Variants in ZMYM4 observed in about 807,000 individuals in gnomAD.
ZMYM4 encodes the protein zinc finger MYM-type containing 4.
In ZMYM4, 31 loss-of-function variants were observed where a neutral mutation model predicts 183.2. The observed-to-expected ratio is 0.17, with a 90% CI of 0.13 to 0.23. The LOEUF (loss-of-function observed/expected upper bound fraction) is 0.23, where lower values mean the gene tolerates loss of function less well. ZMYM4 is among the 10% of genes least tolerant of loss of function. The pLI, the probability that ZMYM4 is intolerant of heterozygous loss-of-function variation, is 1.00. For synonymous variants in ZMYM4, 592 were observed against 631.2 expected, an observed-to-expected ratio of 0.94 and a Z score of 0.93; for missense variants, 1,273 against 1,840.3, an observed-to-expected ratio of 0.69 and a Z score of 5.64.
At chr1:35,331,149 G>A (rs959482441) in intron 2 of ZMYM4, among the ~76,000 whole-genome samples, 7 of 151,980 alleles carry the variant, frequency 4.6e-5, no homozygotes, top group African/African-American at 1.7e-4. Flanking sequence ...TGTTTACATG[G>A]TCTTTTGCTA....
chr1:35,361,405 A>G (rs751273616), intron 4 of ZMYM4, 150 bp downstream of exon 4: 14 of 957,572 alleles, frequency 1.5e-5, no homozygotes, highest in Non-Finnish European at 1.8e-5. Flanking sequence ...TCATCATCGG[A>G]GACATTCTAA....
Position 35,269,078 on chromosome 1 carries a change from G to GA in ZMYM4, c.35dup (p.Arg13GlufsTer3). On this transcript the variant is annotated frameshift_variant, in exon 1 of 30. Coordinates refer to ENST00000314607, the MANE Select transcript of ZMYM4 (RefSeq NM_005095.3). LOFTEE classifies it high-confidence loss of function. ...GAGAGAGAGGTGGAGTCCGGCCCCCGAAAGAGGGTAGGTGAGGTGAGGCAG... is the reference window on the plus strand; with the variant it reads ...GAGAGAGAGGTGGAGTCCGGCCCCCGAAAAGAGGGTAGGTGAGGTGAGGCAG... The GA allele has an allele frequency of 2.6e-6, 4 of 1,549,486 alleles. No homozygotes were observed. The highest frequency in any genetic ancestry group is 3.5e-6 in the Non-Finnish European group (4 of 1,146,722).
chr1:35,341,815 G>A (rs1298665417), intron 2 of ZMYM4, among the ~76,000 whole-genome samples: 1 of 151,912 alleles, frequency 6.6e-6, no homozygotes, highest in Non-Finnish European at 1.5e-5. Flanking sequence ...GTCATTGGGG[G>A]CTGATTGTAG....
intron 1 of ZMYM4, among the ~76,000 whole-genome samples, chr1:35,295,524 A>G (rs1640963121): frequency 6.6e-6 from 1 of 152,196 alleles, no homozygotes. Context: ...TGTACATTGT[A>G]GGACGTTTCA....
In ZMYM4 at chr1:35,359,148, T is replaced by C. The variant is rs1376216002; in HGVS notation, c.309T>C (p.Ser103=). 4 of 1,613,648 alleles carry C rather than the reference T, an allele frequency of 2.5e-6. No individual in the cohort carries two copies. The East Asian group carries it at 8.9e-5, about 36-fold the overall frequency. The change falls in exon 3 of 30, where the codon TCT becomes TCC. Residue 103 remains serine (S), a synonymous_variant. Coordinates refer to ENST00000314607, the MANE Select transcript of ZMYM4 (RefSeq NM_005095.3). ...TTAGTTCAAAGGACAATCTTGTTTC[T>C]TCAATTCATACTGATGATAGCTTGG... is the stretch of plus-strand genomic sequence containing the variant. The part of the protein sequence containing the change: ...QDFSSKDNLV[S]SIHTDDSLEV...
At chr1:35,371,419 A>T (rs1644211676) in intron 7 of ZMYM4, among the ~76,000 whole-genome samples, 1 of 151,868 alleles carries the variant, frequency 6.6e-6, no homozygotes, top group African/African-American at 2.4e-5. Context: ...CTTGGCCTAT[A>T]TTTTTATTTT....
intron 1 of ZMYM4, among the ~76,000 whole-genome samples, chr1:35,286,772 A>ATTTTTTTTTTTTTTT (rs71062872): frequency 2.2e-5 from 1 of 46,462 alleles, no homozygotes; most frequent in Non-Finnish European, 4.4e-5. Flanking sequence ...TATTTAAATA[A>ATTTTTTTTTTTTTTT]TTTTTTTTTT....
intron 1 of ZMYM4, among the ~76,000 whole-genome samples, chr1:35,282,943 G>A (rs1217139608): frequency 1.5e-5 from 2 of 131,960 alleles, no homozygotes; most frequent in African/African-American, 5.6e-5. Context: ...CAGCTTTTCT[G>A]CATCCTCACC....
intron 1 of ZMYM4, among the ~76,000 whole-genome samples, chr1:35,312,785 A>G (rs577660476): frequency 2.0e-5 from 3 of 150,906 alleles, no homozygotes; most frequent in East Asian, 2.0e-4. Context: ...CAGTGGCACA[A>G]TCTTGGCTGA....
In ZMYM4 at chr1:35,342,292, C is replaced by A. The variant is rs534267383; in HGVS notation, c.86-16633C>A. ...ACCTCACCCTCCCCCGTAGCTGGGA[C>A]CACAGGCATGTGCCACCATTCCTGG... is the stretch of plus-strand genomic sequence containing the variant. On this transcript the variant is annotated intron_variant, in intron 2 of 29. Coordinates refer to ENST00000314607, the MANE Select transcript of ZMYM4 (RefSeq NM_005095.3). Among the ~76,000 whole-genome samples the A allele has an allele frequency of 1.2e-4, 19 of 152,090 alleles. No homozygotes were observed. In the South Asian group the frequency reaches 3.3e-3, roughly 27 times the overall value.
chr1:35,394,162 C>CT (rs34277367), intron 18 of ZMYM4, among the ~76,000 whole-genome samples: 5,995 of 68,534 alleles, frequency 0.087, 877 homozygotes, highest in Non-Finnish European at 0.12. Context: ...TCAGAGCTTT[C>CT]TTTTTTTTTT....
Position 35,386,995 on chromosome 1 carries a change from T to G in ZMYM4, c.1837-8T>G. On this transcript the variant is annotated splice_region_variant and splice_polypyrimidine_tract_variant and intron_variant, in intron 11 of 29. Transcript: ENST00000314607. ...AAATTGATACTTTTTGTTGTTTTGT[T>G]TTTCCAGAATTTATTCAACAAACCA... The G allele has an allele frequency of 6.2e-7, 1 of 1,610,572 alleles. No homozygotes were observed.
chr1:35,417,454 A>C (rs1287772186), intron 28 of ZMYM4, among the ~76,000 whole-genome samples: 1 of 152,176 alleles, frequency 6.6e-6, no homozygotes, highest in Non-Finnish European at 1.5e-5. Context: ...TTCTCTTCCC[A>C]ACAAAGATGC....
chr1:35,313,959 A>G (rs1474044397), intron 1 of ZMYM4, among the ~76,000 whole-genome samples: 1 of 152,194 alleles, frequency 6.6e-6, no homozygotes. Flanking sequence ...GAGGTCATTC[A>G]CATACTCTTA....
rs546105626 is a variant in ZMYM4, at chr1:35,380,314, T to TTTTA, written c.1182-921_1182-918dup. Among the ~76,000 whole-genome samples, 1,482 of 151,302 alleles carry TTTTA rather than the reference T, an allele frequency of 9.8e-3. 26 individuals are homozygous for TTTTA. Among genetic ancestry groups the TTTTA allele is most frequent in the East Asian group, 0.068 (352 of 5,154 alleles). On this transcript the variant is annotated intron_variant, in intron 7 of 29. Coordinates refer to ENST00000314607, the MANE Select transcript of ZMYM4 (RefSeq NM_005095.3). ...TTGGTTTTTATTATTTATTTATTTA[T>TTTTA]TTTATTTATTTATTTATTTATTTAT...
intron 2 of ZMYM4, among the ~76,000 whole-genome samples, chr1:35,336,442 A>G (rs1642980125): frequency 6.6e-6 from 1 of 150,426 alleles, no homozygotes; most frequent in African/African-American, 2.4e-5. Flanking sequence ...GCTCCAGTGC[A>G]GTGGTGGGAT....
intron 10 of ZMYM4, 138 bp downstream of exon 10, chr1:35,385,730 TACCTTG>T: frequency 9.8e-7 from 1 of 1,025,426 alleles, no homozygotes; most frequent in Non-Finnish European, 1.3e-6. Flanking sequence ...TATCACCTGT[TACCTTG>T]ATTGCTTATT....
intron 5 of ZMYM4, among the ~76,000 whole-genome samples, chr1:35,365,588 T>A (rs953951583): frequency 6.6e-6 from 1 of 152,194 alleles, no homozygotes; most frequent in African/African-American, 2.4e-5. Flanking sequence ...GTTGGGGCTC[T>A]TTTAGCCATA....
At chr1:35,335,081 A>T (rs2148844938) in intron 2 of ZMYM4, among the ~76,000 whole-genome samples, 1 of 152,180 alleles carries the variant, frequency 6.6e-6, no homozygotes, top group South Asian at 2.1e-4. Context: ...ACAAGTAGCC[A>T]CCTCTCCAAA....
Sources: allele counts gnomAD v4.1 joint callset (sites outside exome capture counted in the v4.1 genomes callset), GRCh38; gene constraint gnomAD v4.1.1; transcripts MANE v1.5; gene names NCBI Gene and HGNC (gene_info 2026-07-23, HGNC 2026-07-21).